Variants in MAGI2 observed in about 807,000 individuals in gnomAD.
MAGI2 encodes the protein membrane-associated guanylate kinase, WW and PDZ domain-containing protein 2.
MAGI2 carries 35 observed loss-of-function variants against 133.3 expected under a neutral mutation model. The ratio of observed to expected loss-of-function variants is 0.26; its 90% CI spans 0.20 to 0.35. The LOEUF (loss-of-function observed/expected upper bound fraction) is 0.35, where lower values mean the gene tolerates loss of function less well. MAGI2 is among the 10% of genes least tolerant of loss of function. The pLI is 1.00. For synonymous variants in MAGI2, 729 were observed against 710.6 expected (o/e 1.03, Z -0.41); for missense variants, 1,636 against 1,863.4 (o/e 0.88, Z 2.25).
At chr7:79,354,790 A>G (rs1373468481) in intron 1 of MAGI2, among the ~76,000 whole-genome samples, 8 of 152,156 alleles carry the variant, frequency 5.3e-5, no homozygotes, top group Admixed American at 5.2e-4. Flanking sequence ...TCTACAGAAA[A>G]TCAGGGTGCC....
chr7:78,168,134 A>G (rs1825791570), intron 14 of MAGI2, 26 bp from the exon 15 acceptor site: 1 of 1,583,956 alleles, frequency 6.3e-7, no homozygotes, highest in Admixed American at 1.8e-5. Context: ...GAAGGAAAGG[A>G]CATTCACATT....
At chr7:78,085,313 G>C (rs867519680) in intron 20 of MAGI2, among the ~76,000 whole-genome samples, 1 of 152,054 alleles carries the variant, frequency 6.6e-6, no homozygotes, top group South Asian at 2.1e-4. Context: ...AGGACTGCTT[G>C]AGTCCAGGAA....
At chr7:79,301,916 T>A (rs771748509) in intron 1 of MAGI2, among the ~76,000 whole-genome samples, 1 of 152,124 alleles carries the variant, frequency 6.6e-6, no homozygotes, top group Non-Finnish European at 1.5e-5. Context: ...GTGTGGCACC[T>A]CTCCCCAGCT....
intron 1 of MAGI2, among the ~76,000 whole-genome samples, chr7:79,396,511 T>C (rs926026619): frequency 5.9e-5 from 9 of 152,200 alleles, no homozygotes; most frequent in Non-Finnish European, 1.2e-4. Context: ...ATTTTTAACA[T>C]AATATGGTTA....
chr7:78,055,326 T>TATCCC (rs1310903209), intron 21 of MAGI2, among the ~76,000 whole-genome samples: 1 of 152,232 alleles, frequency 6.6e-6, no homozygotes, highest in Non-Finnish European at 1.5e-5. Flanking sequence ...TTACATTACC[T>TATCCC]ATCCCCATAG....
chr7:78,185,057 A>G (rs188417099), intron 13 of MAGI2, among the ~76,000 whole-genome samples: 9 of 152,346 alleles, frequency 5.9e-5, no homozygotes, highest in Admixed American at 2.6e-4. Context: ...TGTAAGCCAC[A>G]TAAGTAATTT....
At chr7:78,188,993 G>T (rs763569556) in intron 12 of MAGI2, among the ~76,000 whole-genome samples, 1 of 152,024 alleles carries the variant, frequency 6.6e-6, no homozygotes, top group Admixed American at 6.6e-5. Context: ...AGATTCAAGC[G>T]GTGTTCTGTG....
chr7:79,136,064 A>AGAAAGAAG (rs1821477543), intron 1 of MAGI2, among the ~76,000 whole-genome samples: 1 of 124,272 alleles, frequency 8.0e-6, no homozygotes, highest in African/African-American at 3.2e-5. Flanking sequence ...AAAGAAAGAA[A>AGAAAGAAG]GAAGGAAAGA....
intron 1 of MAGI2, among the ~76,000 whole-genome samples, chr7:79,384,698 T>C (rs1041161937): frequency 1.3e-5 from 2 of 151,684 alleles, no homozygotes; most frequent in Non-Finnish European, 3.0e-5. Flanking sequence ...ATTTTTTGCA[T>C]GACAATCATC....
chr7:78,535,418 T>C (rs766566650), intron 3 of MAGI2, among the ~76,000 whole-genome samples: 2 of 152,128 alleles, frequency 1.3e-5, no homozygotes, highest in Non-Finnish European at 2.9e-5. Flanking sequence ...GGCTGCAGGG[T>C]GTAAGATGGA....
At chr7:79,249,805 A>T (rs895033238) in intron 1 of MAGI2, among the ~76,000 whole-genome samples, 1 of 152,212 alleles carries the variant, frequency 6.6e-6, no homozygotes, top group Non-Finnish European at 1.5e-5. Context: ...CTATGAGGAC[A>T]GTATTACCCT....
chr7:78,371,235 G>A (rs1190806830), intron 6 of MAGI2, among the ~76,000 whole-genome samples: 1 of 151,882 alleles, frequency 6.6e-6, no homozygotes, highest in Admixed American at 6.6e-5. Context: ...TCTATTGAGT[G>A]CCTTTTATAA....
intron 6 of MAGI2, among the ~76,000 whole-genome samples, chr7:78,466,054 G>C (rs554249471): frequency 8.5e-5 from 13 of 152,222 alleles, no homozygotes; most frequent in African/African-American, 3.1e-4. Flanking sequence ...TCAACCACTT[G>C]CTCTTAACAT....
chr7:78,702,258 G>T (rs1198436306), intron 2 of MAGI2, among the ~76,000 whole-genome samples: 19 of 151,938 alleles, frequency 1.3e-4, no homozygotes, highest in Admixed American at 1.1e-3. Flanking sequence ...TGTAGAAAAA[G>T]GTATGCAGGA....
chr7:79,161,961 T>C (rs142147385), intron 1 of MAGI2, among the ~76,000 whole-genome samples: 1 of 152,076 alleles, frequency 6.6e-6, no homozygotes, highest in Admixed American at 6.6e-5. Flanking sequence ...GGTCAATTAA[T>C]TCTTGCTGCA....
chr7:78,195,266 A>G (rs147117952), intron 11 of MAGI2, among the ~76,000 whole-genome samples: 176 of 152,352 alleles, frequency 1.2e-3, no homozygotes, highest in African/African-American at 3.9e-3. Flanking sequence ...GTGGTGCCTG[A>G]CTTTTGAATG....
chr7:78,667,368 CTTTTT>C (rs1204111914), intron 2 of MAGI2, among the ~76,000 whole-genome samples: 1 of 142,294 alleles, frequency 7.0e-6, no homozygotes, highest in Non-Finnish European at 1.5e-5. Flanking sequence ...TTTTGAGATT[CTTTTT>C]TTTTTAATTT....
At chr7:78,130,023 C>T (rs919555250) in intron 18 of MAGI2, among the ~76,000 whole-genome samples, 1 of 151,000 alleles carries the variant, frequency 6.6e-6, no homozygotes, top group Non-Finnish European at 1.5e-5. Context: ...ATTTCCAATG[C>T]TCTTTCACTG....
At chr7:78,877,339 G>A (rs538406135) in intron 2 of MAGI2, among the ~76,000 whole-genome samples, 1 of 152,186 alleles carries the variant, frequency 6.6e-6, no homozygotes, top group Admixed American at 6.5e-5. Flanking sequence ...GTCTACAATT[G>A]ATATGACTCA....
Sources: allele counts gnomAD v4.1 joint callset (sites outside exome capture counted in the v4.1 genomes callset), GRCh38; gene constraint gnomAD v4.1.1; transcripts MANE v1.5; gene names NCBI Gene and HGNC (gene_info 2026-07-23, HGNC 2026-07-21).